The following KARS1 variants were observed in gnomAD, a reference collection of about 807,000 sequenced individuals.
KARS1 encodes the protein lysyl-tRNA synthetase 1, also known as lysine--tRNA ligase.
Under a neutral mutation model 63.9 loss-of-function variants are expected in KARS1, and 50 were observed. That is an observed-to-expected ratio of 0.78 (90% CI 0.62 to 0.99). The LOEUF is 0.99. Among genes scored for constraint, KARS1 ranks in the 50% least tolerant of loss-of-function variants. KARS1 has a pLI of 0.00. For synonymous variants in KARS1, 320 were observed against 264.6 expected, an observed-to-expected ratio of 1.21 and a Z score of -2.03; for missense variants, 816 against 754.5, an observed-to-expected ratio of 1.08 and a Z score of -0.95.
Position 75,628,580 on chromosome 16 carries a change from T to C in KARS1, c.1684A>G (p.Asn562Asp). ...GGGTTGCTACGTACCTTGATGTTGT[T>C]GGAGTCCGTGAGAAACATGGCGACT... ...DRVAMFLTDS[N>D]NIKEVLLFPA... Residue 562 changes from asparagine to aspartate, a missense_variant, in exon 13 of 14, where the codon AAC (asparagine) becomes GAC (aspartate). Coordinates refer to ENST00000302445, the MANE Select transcript of KARS1 (RefSeq NM_005548.3). 3.1e-6 allele frequency: 5 copies of C among 1,613,872 alleles called. No homozygotes were observed. Among genetic ancestry groups the C allele is most frequent in the Non-Finnish European group, 4.2e-6 (5 of 1,179,994 alleles).
At chr16:75,628,804 C>T (rs1567497581) in intron 12 of KARS1, 92 bp from the exon 13 acceptor site, 2 of 1,352,170 alleles carry the variant, frequency 1.5e-6, no homozygotes, top group African/African-American at 1.4e-5. Flanking sequence ...GTGGGAGTAC[C>T]ATCATTCCAG....
intron 7 of KARS1, chr16:75,633,855 TCTTTC>T: frequency 2.8e-6 from 1 of 361,460 alleles, no homozygotes; most frequent in Non-Finnish European, 5.4e-6. Flanking sequence ...CAGATTAGGC[TCTTTC>T]TTCTGTGAAA....
intron 2 of KARS1, among the ~76,000 whole-genome samples, chr16:75,641,140 G>A (rs1032232908): frequency 6.6e-6 from 1 of 151,976 alleles, no homozygotes; most frequent in African/African-American, 2.4e-5. Flanking sequence ...CTCCAGCCTG[G>A]GTGACAGAAT....
intron 3 of KARS1, among the ~76,000 whole-genome samples, chr16:75,639,591 A>AAT (rs1555513468): frequency 1.3e-5 from 2 of 151,448 alleles, no homozygotes; most frequent in Non-Finnish European, 2.9e-5. Flanking sequence ...AAAAAAAAAA[A>AAT]AGATTTTAGT....
chr16:75,640,871 A>G (rs2082216703), intron 2 of KARS1, among the ~76,000 whole-genome samples: 1 of 152,144 alleles, frequency 6.6e-6, no homozygotes, highest in African/African-American at 2.4e-5. Context: ...TACGTAAACA[A>G]ATGAGCACAG....
At chr16:75,645,987 T>C (rs1293597718) in intron 1 of KARS1, among the ~76,000 whole-genome samples, 1 of 152,194 alleles carries the variant, frequency 6.6e-6, no homozygotes, top group East Asian at 1.9e-4. Flanking sequence ...TTGATTATCA[T>C]AGGTGGTTTG....
intron 1 of KARS1, 58 bp downstream of exon 1, chr16:75,647,520 G>T: frequency 6.6e-7 from 1 of 1,525,128 alleles, no homozygotes; most frequent in Non-Finnish European, 9.0e-7. Flanking sequence ...ACCTCGCGGC[G>T]CTTCCCAGCC....
chr16:75,636,170 C>T, intron 4 of KARS1, 72 bp from the exon 5 acceptor site: 3 of 950,252 alleles, frequency 3.2e-6, no homozygotes, highest in Non-Finnish European at 5.0e-6. Flanking sequence ...CCTCTGGAAC[C>T]CTCACTCAAC....
At chr16:75,632,623 T>C (rs1435044789) in intron 7 of KARS1, among the ~76,000 whole-genome samples, 1 of 152,184 alleles carries the variant, frequency 6.6e-6, no homozygotes, top group Non-Finnish European at 1.5e-5. Context: ...GTGCCAGGAT[T>C]ATGAGCTGTA....
intron 1 of KARS1, among the ~76,000 whole-genome samples, chr16:75,646,797 C>T (rs1236985088): frequency 6.6e-6 from 1 of 151,898 alleles, no homozygotes. Flanking sequence ...CAAGTGCGCG[C>T]CACGGGGATT....
intron 7 of KARS1, 134 bp downstream of exon 7, chr16:75,634,039 C>A: frequency 1.1e-6 from 1 of 922,456 alleles, no homozygotes; most frequent in Non-Finnish European, 1.8e-6. Flanking sequence ...CACATCCACA[C>A]ACCTGACCCA....
chr16:75,644,296 A>T, intron 1 of KARS1: 1 of 1,602,454 alleles, frequency 6.2e-7, no homozygotes, highest in East Asian at 2.2e-5. Context: ...CTTTGATCAG[A>T]AAATGACTTG....
chr16:75,632,286 G>A (rs2082123046), intron 7 of KARS1, among the ~76,000 whole-genome samples: 1 of 152,200 alleles, frequency 6.6e-6, no homozygotes. Context: ...TCAGGTCTCT[G>A]GTCAAATTGC....
At chr16:75,647,451 A>G (rs1483279247) in intron 1 of KARS1, 127 bp downstream of exon 1, 7 of 884,386 alleles carry the variant, frequency 7.9e-6, no homozygotes, top group Non-Finnish European at 1.3e-5. Flanking sequence ...ACCACGTCTC[A>G]GCATGTGCGT....
At position 75,636,557 on chromosome 16, in the gene KARS1, G is replaced by C; in HGVS notation, c.389-10C>G. On this transcript the variant is annotated splice_polypyrimidine_tract_variant and intron_variant, in intron 3 of 13. Coordinates refer to ENST00000302445, the MANE Select transcript of KARS1 (RefSeq NM_005548.3). The stretch of plus-strand genomic sequence containing the variant: ...TTGGCATGGATCCTACCTAGAAAAA[G>C]AAGAGCAAAAATACTGACTGACAGA... The C allele has an allele frequency of 6.5e-7, 1 of 1,550,364 alleles. No homozygotes were observed. Among genetic ancestry groups the C allele is most frequent in the South Asian group, 1.1e-5 (1 of 89,700 alleles).
intron 2 of KARS1, among the ~76,000 whole-genome samples, chr16:75,640,863 C>T (rs369415571): frequency 1.7e-4 from 26 of 152,260 alleles, no homozygotes; most frequent in African/African-American, 5.3e-4. Context: ...CTCAGAAATA[C>T]GTAAACAAAT....
chr16:75,633,031 T>A (rs114768348), intron 7 of KARS1, among the ~76,000 whole-genome samples: 6 of 151,908 alleles, frequency 3.9e-5, no homozygotes, highest in Middle Eastern at 3.4e-3. Flanking sequence ...TGGGGGGAGG[T>A]TGACCAAAGA....
intron 4 of KARS1, 62 bp downstream of exon 4, chr16:75,636,392 G>A: frequency 9.8e-7 from 1 of 1,018,708 alleles, no homozygotes; most frequent in South Asian, 1.3e-5. Flanking sequence ...GACCACATCA[G>A]CCTATTGCTG....
At chr16:75,639,168 C>CA (rs535335453) in intron 3 of KARS1, among the ~76,000 whole-genome samples, 3 of 148,762 alleles carry the variant, frequency 2.0e-5, no homozygotes, top group Non-Finnish European at 4.5e-5. Context: ...GACTTCGCCT[C>CA]AAAAAAATAA....
Sources: gnomAD v4.1 joint callset for allele counts (sites outside exome capture counted in the v4.1 genomes callset) on GRCh38, gnomAD v4.1.1 for gene constraint, MANE v1.5 for transcripts, NCBI Gene and HGNC (gene_info 2026-07-23, HGNC 2026-07-21) for gene names.